TASP1: variants seen among roughly 807,000 people sequenced by gnomAD.
The protein encoded by TASP1 is threonine aspartase 1.
In TASP1, 16 loss-of-function variants were observed where a neutral mutation model predicts 56.6. The observed-to-expected ratio is 0.28, with a 90% CI of 0.19 to 0.43. The LOEUF (loss-of-function observed/expected upper bound fraction) is 0.43, where lower values mean the gene tolerates loss of function less well. Ranked by LOEUF, TASP1 falls within the 20% of genes least tolerant of loss-of-function variation. TASP1 has a pLI of 1.00. For synonymous variants in TASP1, 179 were observed against 184.2 expected (o/e 0.97, Z 0.23); for missense variants, 393 against 511.6 (o/e 0.77, Z 2.24).
the TASP1 span, among the ~76,000 whole-genome samples, chr20:13,225,126 T>G: frequency 6.6e-6 from 1 of 152,078 alleles, no homozygotes; most frequent in African/African-American, 2.4e-5. Flanking sequence ...GTGCTGGGAT[T>G]ACAGGCGTGA....
chr20:13,198,323 G>T, the TASP1 span, among the ~76,000 whole-genome samples: 1 of 152,046 alleles, frequency 6.6e-6, no homozygotes, highest in Non-Finnish European at 1.5e-5. Flanking sequence ...TCTGATGAGG[G>T]CCCAGTTCCC....
chr20:13,275,888 C>T, the TASP1 span, among the ~76,000 whole-genome samples: 1 of 152,202 alleles, frequency 6.6e-6, no homozygotes, highest in Non-Finnish European at 1.5e-5. Flanking sequence ...CTTGAATTCT[C>T]CAAGCCAGTT....
At chr20:13,603,662 C>T (rs1335180203) in intron 4 of TASP1, among the ~76,000 whole-genome samples, 1 of 152,208 alleles carries the variant, frequency 6.6e-6, no homozygotes, top group Non-Finnish European at 1.5e-5. Flanking sequence ...AAAATCCATA[C>T]ATAACGCAGT....
intron 2 of TASP1, among the ~76,000 whole-genome samples, chr20:13,627,202 G>C (rs188853951): frequency 4.6e-4 from 70 of 152,152 alleles, no homozygotes; most frequent in African/African-American, 1.5e-3. Context: ...TCTACTACAT[G>C]AATCACAAAA....
At chr20:13,471,108 T>C (rs908924040) in intron 11 of TASP1, among the ~76,000 whole-genome samples, 2 of 152,044 alleles carry the variant, frequency 1.3e-5, no homozygotes, top group Non-Finnish European at 2.9e-5. Context: ...TAATAACAAG[T>C]AAATACAGAA....
intron 13 of TASP1, among the ~76,000 whole-genome samples, chr20:13,396,304 T>C (rs2041535166): frequency 6.6e-6 from 1 of 152,260 alleles, no homozygotes; most frequent in Non-Finnish European, 1.5e-5. Context: ...TGGAATGTAG[T>C]TAACTGCTCT....
At chr20:13,401,473 A>T (rs1276797750) in intron 13 of TASP1, among the ~76,000 whole-genome samples, 2 of 152,206 alleles carry the variant, frequency 1.3e-5, no homozygotes, top group Non-Finnish European at 2.9e-5. Context: ...ACCTGCACAT[A>T]TAAGATATAC....
intron 10 of TASP1, among the ~76,000 whole-genome samples, chr20:13,497,286 G>A (rs536101903): frequency 6.6e-6 from 1 of 152,310 alleles, no homozygotes; most frequent in South Asian, 2.1e-4. Context: ...CTGCAAGGCA[G>A]CAGCCACCAA....
chr20:13,478,798 T>C (rs1383143602), intron 11 of TASP1, among the ~76,000 whole-genome samples: 6 of 151,928 alleles, frequency 3.9e-5, no homozygotes, highest in Non-Finnish European at 7.4e-5. Flanking sequence ...ATAACTTACA[T>C]GCTAAAAAAG....
At chr20:13,382,369 A>G in the TASP1 span, among the ~76,000 whole-genome samples, 2 of 152,206 alleles carry the variant, frequency 1.3e-5, no homozygotes, top group Non-Finnish European at 2.9e-5. Flanking sequence ...TGTTTTGGCC[A>G]GGTGCGGTGG....
chr20:13,122,994 G>T, the TASP1 span, among the ~76,000 whole-genome samples: 6 of 152,026 alleles, frequency 3.9e-5, no homozygotes, highest in African/African-American at 1.2e-4. Flanking sequence ...CCTTCCTCCC[G>T]CCCCATGCTC....
chr20:13,616,013 A>G (rs1446320481), intron 4 of TASP1, among the ~76,000 whole-genome samples: 1 of 152,188 alleles, frequency 6.6e-6, no homozygotes, highest in African/African-American at 2.4e-5. Context: ...AGACAAAAAC[A>G]GTAGATGTTA....
At chr20:13,106,856 C>G in the TASP1 span, among the ~76,000 whole-genome samples, 3 of 152,302 alleles carry the variant, frequency 2.0e-5, no homozygotes, top group East Asian at 1.9e-4. Context: ...TTGGAACTAG[C>G]AAACTGTCTC....
intron 11 of TASP1, among the ~76,000 whole-genome samples, chr20:13,463,285 AATG>A (rs1225284806): frequency 2.6e-5 from 4 of 152,146 alleles, no homozygotes; most frequent in Admixed American, 2.0e-4. Flanking sequence ...CTTTTTCGAT[AATG>A]ATGCTAGGAA....
chr20:13,193,099 G>C, the TASP1 span, among the ~76,000 whole-genome samples: 3 of 152,026 alleles, frequency 2.0e-5, no homozygotes, highest in African/African-American at 7.2e-5. Flanking sequence ...AATTTTTTCG[G>C]TATAATTAAT....
chr20:13,456,421 A>G (rs2043838757), intron 11 of TASP1, among the ~76,000 whole-genome samples: 1 of 152,142 alleles, frequency 6.6e-6, no homozygotes, highest in Non-Finnish European at 1.5e-5. Context: ...GCCCTCCACC[A>G]TATAGTCCTG....
chr20:13,308,043 A>G, the TASP1 span, among the ~76,000 whole-genome samples: 1 of 152,144 alleles, frequency 6.6e-6, no homozygotes, highest in South Asian at 2.1e-4. Flanking sequence ...GAGTGTTTGA[A>G]AGTTCCCATT....
chr20:13,133,877 C>A, the TASP1 span, among the ~76,000 whole-genome samples: 2 of 152,178 alleles, frequency 1.3e-5, no homozygotes, highest in Non-Finnish European at 2.9e-5. Flanking sequence ...TCCCTAACAA[C>A]CCCCACCTGG....
intron 11 of TASP1, among the ~76,000 whole-genome samples, chr20:13,469,826 T>TGA (rs777047044): frequency 6.6e-4 from 67 of 101,678 alleles, no homozygotes; most frequent in Non-Finnish European, 1.1e-3. Context: ...TTTTTTTTTT[T>TGA]GAGAGAGTGT....
Sources: gnomAD v4.1 joint callset for allele counts (sites outside exome capture counted in the v4.1 genomes callset) on GRCh38, gnomAD v4.1.1 for gene constraint, MANE v1.5 for transcripts, NCBI Gene and HGNC (gene_info 2026-07-23, HGNC 2026-07-21) for gene names.